The following MPPE1 variants were observed in gnomAD, a reference collection of about 807,000 sequenced individuals.
MPPE1 encodes the protein metallophosphoesterase 1.
A neutral mutation model predicts 43.8 loss-of-function variants in MPPE1; 28 were observed. The ratio of observed to expected loss-of-function variants is 0.64; its 90% CI spans 0.47 to 0.88. The LOEUF is 0.88. MPPE1 is among the 40% of genes least tolerant of loss of function. MPPE1 has a pLI of 0.00. For synonymous variants in MPPE1, 159 were observed against 188.5 expected (o/e 0.84, Z 1.28); for missense variants, 428 against 492.2 (o/e 0.87, Z 1.23).
At chr18:11,886,000 G>T in intron 9 of MPPE1, 184 bp from the exon 10 acceptor site, 2 of 481,984 alleles carry the variant, frequency 4.1e-6, no homozygotes, top group Non-Finnish European at 6.8e-6. Context: ...TAAATCAAAG[G>T]TAAGGTCAGC....
chr18:11,902,443 TCTTA>T (rs1325272934), intron 2 of MPPE1: 3 of 152,188 alleles, frequency 2.0e-5, no homozygotes, highest in Admixed American at 1.3e-4. Context: ...AGCCATTCGA[TCTTA>T]CTATCTCATT....
rs148506110 is a variant in MPPE1, at chr18:11,885,833, A to G, written c.868-17T>C. 7.7e-4 allele frequency: 1,226 copies of G among 1,596,444 alleles called. 9 individuals are homozygous for G. The African/African-American group carries it at 0.014, about 19-fold the overall frequency. On this transcript the variant is annotated splice_polypyrimidine_tract_variant and intron_variant, in intron 9 of 10. Coordinates refer to ENST00000588072, the MANE Select transcript of MPPE1 (RefSeq NM_023075.6). ...CCACAGCAGCTGACAGTGGCCGAGA[A>G]GACAGCAAAGCAGGCTGTTAGCTCA...
At chr18:11,893,303 A>G in intron 4 of MPPE1, 165 bp downstream of exon 4, 2 of 578,162 alleles carry the variant, frequency 3.5e-6, no homozygotes, top group East Asian at 2.8e-5. Context: ...TAGATAGCCT[A>G]TGAATTCTAA....
At chr18:11,907,316 C>T (rs1343924446) in intron 1 of MPPE1, among the ~76,000 whole-genome samples, 1 of 152,212 alleles carries the variant, frequency 6.6e-6, no homozygotes, top group Non-Finnish European at 1.5e-5. Context: ...CACCCACCTC[C>T]TCAGCTGTCA....
At chr18:11,887,341 G>A (rs749352251) in intron 6 of MPPE1, among the ~76,000 whole-genome samples, 1 of 137,552 alleles carries the variant, frequency 7.3e-6, no homozygotes, top group Admixed American at 7.1e-5. Flanking sequence ...CTGTTACAGC[G>A]CCTCTTCCAT....
intron 4 of MPPE1, chr18:11,891,302 G>A (rs2037971389): frequency 2.0e-5 from 3 of 152,188 alleles, no homozygotes; most frequent in Admixed American, 2.0e-4. Context: ...GATGAAACCT[G>A]TCTCTACTAA....
At chr18:11,893,696 A>G in intron 3 of MPPE1, 120 bp from the exon 4 acceptor site, 1 of 745,590 alleles carries the variant, frequency 1.3e-6, no homozygotes, top group Middle Eastern at 2.4e-4. Context: ...CCAGAGCCCC[A>G]CTCTTGCATT....
rs2037059696 is a variant in MPPE1 at position 11,885,444 on chromosome 18, C to T, written c.1008+232G>A. On this transcript the variant is annotated intron_variant, in intron 10 of 10. Coordinates refer to ENST00000588072, the MANE Select transcript of MPPE1 (RefSeq NM_023075.6). Reference sequence around the variant, plus strand: ...GGCCCTCCCTGAAGGATAAAGTCCACCTGGACGGTGCCCTGCCCTCGCTTC... The same window carrying T: ...GGCCCTCCCTGAAGGATAAAGTCCATCTGGACGGTGCCCTGCCCTCGCTTC... 1.1e-5 allele frequency: 6 copies of T among 545,122 alleles called. No individual in the cohort carries two copies. The Admixed American group carries it at 1.7e-4, about 15-fold the overall frequency. 33.8% of individuals were successfully genotyped at this position (545,122 alleles called of 1,614,324 possible).
intron 10 of MPPE1, chr18:11,885,284 A>AG (rs1345152809): frequency 1.9e-4 from 54 of 281,706 alleles, no homozygotes; most frequent in African/African-American, 1.2e-3. Flanking sequence ...ATCAACCTGC[A>AG]AAAGCTGCAG....
At chr18:11,888,244 T>A (rs1470880271) in intron 6 of MPPE1, among the ~76,000 whole-genome samples, 2 of 152,196 alleles carry the variant, frequency 1.3e-5, no homozygotes, top group Non-Finnish European at 2.9e-5. Flanking sequence ...AGAGGAACTG[T>A]GACACACTTG....
At chr18:11,890,812 T>C (rs963418184) in intron 4 of MPPE1, among the ~76,000 whole-genome samples, 1 of 152,180 alleles carries the variant, frequency 6.6e-6, no homozygotes, top group Non-Finnish European at 1.5e-5. Flanking sequence ...GTGTCTCAAC[T>C]AAGACAAGGA....
chr18:11,885,921 A>T, intron 9 of MPPE1, 105 bp from the exon 10 acceptor site: 1 of 1,147,952 alleles, frequency 8.7e-7, no homozygotes, highest in Non-Finnish European at 1.2e-6. Flanking sequence ...TCCTTAAATT[A>T]CATACTAAAT....
intron 10 of MPPE1, chr18:11,885,162 C>T (rs763196706): frequency 6.5e-6 from 5 of 770,218 alleles, no homozygotes; most frequent in Non-Finnish European, 8.8e-6. Context: ...GGGTTTCCTC[C>T]ACCTTTTTAT....
chr18:11,898,352 G>A lies in MPPE1; in HGVS notation c.-92-996C>T, dbSNP rs575138005. 1.2e-4 allele frequency among the ~76,000 whole-genome samples: 18 copies of A among 152,218 alleles called. No individual in the cohort carries two copies. The South Asian group carries it at 1.5e-3, about 12-fold the overall frequency. Reference sequence around the variant, plus strand: ...CTCCCAAAGTGCTGGGATTACAGGCGTGAGCCACTTTGCCAGGCCAGTTTA... The same window carrying A: ...CTCCCAAAGTGCTGGGATTACAGGCATGAGCCACTTTGCCAGGCCAGTTTA... On this transcript the variant is annotated intron_variant, in intron 2 of 10. Transcript: ENST00000588072.
Position 11,886,515 on chromosome 18 carries a change from C to T in MPPE1, c.851G>A (p.Arg284Gln), listed in dbSNP as rs145870573. The T allele has an allele frequency of 1.3e-4, 202 of 1,614,042 alleles. No individual in the cohort carries two copies. Among genetic ancestry groups the T allele is most frequent in the African/African-American group, 3.5e-4 (26 of 74,912 alleles). Reference protein sequence around the residue: ...PFKENYDVLSREASQKLLWWL... With the variant: ...PFKENYDVLSQEASQKLLWWL... Reference sequence around the variant, plus strand: ...CTGGCAAACCTTTTGTGATGCCTCCCGTGAAAGCACGTCATAGTTCTCCTT... The same window carrying T: ...CTGGCAAACCTTTTGTGATGCCTCCTGTGAAAGCACGTCATAGTTCTCCTT... Residue 284 changes from arginine to glutamine, a missense_variant, in exon 9 of 11, where the codon CGG becomes CAG. By Grantham distance (43) the Arg-to-Gln change is conservative. Around this residue, in one of 3 missense-constraint regions of MPPE1, gnomAD observed 379 missense variants for 402.5 expected, o/e 0.94. Transcript: ENST00000588072. This position sits in a 1 kb window ranked among gnomAD's most constrained non-coding sequence, Gnocchi z 4.1.
chr18:11,887,636 T>G (rs1321119712), intron 6 of MPPE1, among the ~76,000 whole-genome samples: 1 of 152,158 alleles, frequency 6.6e-6, no homozygotes, highest in Admixed American at 6.5e-5. Flanking sequence ...CCACATTTTT[T>G]TAAAGACTCC....
At chr18:11,896,086 T>C (rs56239762) in intron 3 of MPPE1, among the ~76,000 whole-genome samples, 1 of 143,540 alleles carries the variant, frequency 7.0e-6, no homozygotes, top group South Asian at 2.2e-4. Context: ...ATTATTCTTA[T>C]TCTTTATTCT....
chr18:11,901,451 G>A (rs1212858060), intron 2 of MPPE1, among the ~76,000 whole-genome samples: 2 of 151,664 alleles, frequency 1.3e-5, no homozygotes, highest in Non-Finnish European at 2.9e-5. Flanking sequence ...GACTGGTATC[G>A]AACTCCTGGC....
intron 2 of MPPE1, chr18:11,897,560 A>G (rs961094868): frequency 3.1e-5 from 9 of 292,248 alleles, no homozygotes. Flanking sequence ...ATACCTCCGT[A>G]TGTCAGAATA....
Sources: allele counts gnomAD v4.1 joint callset (sites outside exome capture counted in the v4.1 genomes callset), GRCh38; gene constraint gnomAD v4.1.1; regional missense constraint gnomAD v4.1.1; non-coding constraint Gnocchi (gnomAD v3.1); transcripts MANE v1.5; gene names NCBI Gene and HGNC (gene_info 2026-07-23, HGNC 2026-07-21).